The following ANKRD26 variants were observed in gnomAD, a reference collection of about 807,000 sequenced individuals.
ANKRD26 encodes the protein ankyrin repeat domain-containing protein 26.
Under a neutral mutation model 208.7 loss-of-function variants are expected in ANKRD26, and 141 were observed. The ratio of observed to expected loss-of-function variants is 0.68; its 90% CI spans 0.59 to 0.78. The LOEUF is 0.78. ANKRD26 is among the 30% of genes least tolerant of loss of function. The pLI, the probability that ANKRD26 is intolerant of heterozygous loss-of-function variation, is 0.00. For synonymous variants in ANKRD26, 636 were observed against 660.4 expected (o/e 0.96, Z 0.57); for missense variants, 1,889 against 1,938.7 (o/e 0.97, Z 0.48).
intron 32 of ANKRD26, 63 bp downstream of exon 32, chr10:27,012,819 C>G: frequency 6.6e-7 from 1 of 1,523,586 alleles, no homozygotes; most frequent in Non-Finnish European, 9.1e-7. Context: ...CTCAAAAAAA[C>G]AAACAAAAAA....
intron 17 of ANKRD26, 111 bp from the exon 18 acceptor site, chr10:27,046,634 A>T (rs1429370937): frequency 3.9e-6 from 4 of 1,030,720 alleles, no homozygotes; most frequent in Non-Finnish European, 4.2e-6. Context: ...TTAAAAAGCC[A>T]ATGTTTTCTA....
At chr10:26,998,625 A>G (rs974926309) in intron 4 of ANKRD26, among the ~76,000 whole-genome samples, 5 of 152,236 alleles carry the variant, frequency 3.3e-5, no homozygotes, top group African/African-American at 4.8e-5. Flanking sequence ...AGGAAATTCT[A>G]TAACTGTGCT....
rs2055011693 is a variant in ANKRD26 at position 27,060,389 on chromosome 10, G to A, written c.1520C>T (p.Pro507Leu). The A allele has an allele frequency of 6.2e-7, 1 of 1,612,590 alleles. No homozygotes were observed. The highest frequency in any genetic ancestry group is 1.3e-5 in the African/African-American group (1 of 74,846). ...KPTIEMKDSV[P>L]NKAGGMKDVQ... ...ATCCTTCATTCCTCCTGCTTTATTT[G>A]GAACAGAATCTTTCATTTCAATGGT... Residue 507 changes from proline (P) to leucine (L), a missense_variant, in exon 15 of 34, where the codon CCA becomes CTA. Pro to Leu is a moderately conservative substitution (Grantham distance 98). This residue lies in a region of ANKRD26 where 1,272 missense variants were observed against 1,273.8 expected (regional missense o/e 1.00). Transcript: ENST00000376087.
chr10:27,005,412 G>A lies in ANKRD26; in HGVS notation c.*178C>T. The A allele has an allele frequency of 7.5e-7, 1 of 1,340,632 alleles. No homozygotes were observed. Among genetic ancestry groups the A allele is most frequent in the Non-Finnish European group, 9.5e-7 (1 of 1,047,728 alleles). The allele number at this position is 1,340,632 out of a possible 1,614,324, so 83.0% of individuals were successfully genotyped here. A position where few individuals can be genotyped will look rare whatever the true frequency, so the allele number is the denominator to read the frequency against. ...AAACTCAATATTCCTGGTTTTCATT[G>A]GCAAAATCCACTTAAAAGTTAAAGA... On this transcript the variant is annotated 3_prime_UTR_variant, in exon 34 of 34. Coordinates refer to ENST00000376087, the MANE Select transcript of ANKRD26 (RefSeq NM_014915.3).
chr10:27,050,910 TTAGA>T (rs1162218781), intron 16 of ANKRD26: 21 of 493,532 alleles, frequency 4.3e-5, no homozygotes, highest in African/African-American at 3.7e-4. Flanking sequence ...CTCTTGTTAC[TTAGA>T]TAGCAGAATA....
In ANKRD26 at chr10:27,017,559, TTCAATC is replaced by T. The variant is rs771948197; in HGVS notation, c.4443_4448del (p.Ile1482_Glu1483del). 2.5e-6 allele frequency: 4 copies of T among 1,613,746 alleles called. No homozygotes were observed. Among genetic ancestry groups the T allele is most frequent in the Non-Finnish European group, 3.4e-6 (4 of 1,179,840 alleles). ...CTGCTATTTCCTGTCTTGCTCTTTC[TTCAATC>T]TCCTGTTTATACTGTTTGACTTGAC... On this transcript the variant is annotated inframe_deletion, in exon 30 of 34. Coordinates refer to ENST00000376087, the MANE Select transcript of ANKRD26 (RefSeq NM_014915.3).
intron 5 of ANKRD26, 98 bp from the exon 6 acceptor site, chr10:27,082,931 T>C: frequency 7.0e-7 from 1 of 1,437,232 alleles, no homozygotes; most frequent in Non-Finnish European, 9.4e-7. Context: ...AGTATCCCTC[T>C]GGGACCATAT....
intron 27 of ANKRD26, among the ~76,000 whole-genome samples, chr10:27,028,047 C>G (rs1446580900): frequency 6.6e-6 from 1 of 152,162 alleles, no homozygotes; most frequent in Non-Finnish European, 1.5e-5. Context: ...ATAGGCTAGG[C>G]TAAGCTATGA....
Position 27,035,659 on chromosome 10 carries a change from T to C in ANKRD26, c.2791A>G (p.Ile931Val), listed in dbSNP as rs766484458. 1.9e-6 allele frequency: 3 copies of C among 1,590,968 alleles called. No homozygotes were observed. The highest frequency in any genetic ancestry group is 1.4e-5 in the African/African-American group (1 of 73,426). The change falls in exon 24 of 34, where the codon ATA becomes GTA. Residue 931 changes from isoleucine (I) to valine (V), a missense_variant. By Grantham distance (29) the Ile-to-Val change is conservative. Transcript: ENST00000376087. ...IAMLRLEIDT[I>V]KNQNQEKEKK... The stretch of plus-strand genomic sequence containing the variant: ...TCTTTTTCCTGGTTTTGATTTTTTA[T>C]TGTGTCTATTTCTAGTCTTAGCATA...
downstream of ANKRD26, among the ~76,000 whole-genome samples, chr10:26,970,143 T>G (rs1201682426): frequency 6.6e-6 from 1 of 152,086 alleles, no homozygotes; most frequent in Non-Finnish European, 1.5e-5. Flanking sequence ...TAGCTGTTAT[T>G]TTGTTTAATA....
chr10:27,079,289 T>A (rs2055816668), intron 6 of ANKRD26, 128 bp from the exon 7 acceptor site: 2 of 726,278 alleles, frequency 2.8e-6, no homozygotes. Context: ...GTCAACTGTC[T>A]GCATATTAAA....
At chr10:27,089,680 T>C (rs1434132009) in intron 4 of ANKRD26, among the ~76,000 whole-genome samples, 1 of 152,170 alleles carries the variant, frequency 6.6e-6, no homozygotes, top group Non-Finnish European at 1.5e-5. Context: ...TAGTCCCAGC[T>C]ACTTGGGAGG....
In ANKRD26 at chr10:27,048,798, T is replaced by C. The variant is rs550499200; in HGVS notation, c.1814+3A>G. 6.2e-7 allele frequency: 1 copy of C among 1,611,090 alleles called. No homozygotes were observed. Among genetic ancestry groups the C allele is most frequent in the South Asian group, 1.1e-5 (1 of 90,918 alleles). ...TCTGCTGTTAAATATGCTATCAGCTTACCTAGCATACTCTTTATTTTCCTT... is the reference window on the plus strand; with the variant it reads ...TCTGCTGTTAAATATGCTATCAGCTCACCTAGCATACTCTTTATTTTCCTT... On this transcript the variant is annotated splice_donor_region_variant and intron_variant, in intron 17 of 33. Coordinates refer to ENST00000376087, the MANE Select transcript of ANKRD26 (RefSeq NM_014915.3).
chr10:27,014,533 T>G lies in ANKRD26; in HGVS notation c.4685A>C (p.Glu1562Ala). The change falls in exon 31 of 34, where the codon GAA becomes GCA. Residue 1562 changes from glutamate to alanine, a missense_variant. Physicochemically the swap from Glu to Ala is moderately radical, Grantham distance 107 (BLOSUM62 -1). This residue lies in a region of ANKRD26 where 613 missense variants were observed against 648.2 expected (regional missense o/e 0.95). Coordinates refer to ENST00000376087, the MANE Select transcript of ANKRD26 (RefSeq NM_014915.3). Reference protein sequence around the residue: ...LEKYKQLYLEELKVRKSLSSK... With the variant: ...LEKYKQLYLEALKVRKSLSSK... ...TGACAAAGATTTTCTAACTTTTAAT[T>G]CTTCTAGATAGAGTTGCTTATATTT... is the stretch of plus-strand genomic sequence containing the variant. The G allele has an allele frequency of 1.3e-6, 2 of 1,593,676 alleles. No individual in the cohort carries two copies. Among genetic ancestry groups the G allele is most frequent in the Non-Finnish European group, 1.7e-6 (2 of 1,167,046 alleles).
At chr10:27,006,222 C>CTTGT (rs1374516071) in intron 33 of ANKRD26, among the ~76,000 whole-genome samples, 1 of 152,102 alleles carries the variant, frequency 6.6e-6, no homozygotes, top group Non-Finnish European at 1.5e-5. Flanking sequence ...AAACATATGC[C>CTTGT]AGACGGAAGG....
intron 19 of ANKRD26, 46 bp downstream of exon 19, chr10:27,044,111 T>A (rs761834566): frequency 1.6e-6 from 2 of 1,268,956 alleles, no homozygotes. Context: ...TCTTTTATAA[T>A]GTATTTTTTT....
Position 27,047,235 on chromosome 10 carries a change from T to C in ANKRD26, c.1815-712A>G, listed in dbSNP as rs548213676. 3.9e-5 allele frequency among the ~76,000 whole-genome samples: 6 copies of C among 152,276 alleles called. No individual in the cohort carries two copies. In the South Asian group the frequency reaches 1.2e-3, roughly 32 times the overall value. ...GGAAGAAGAAATCAGGAAAATATCC[T>C]GGGTGGGGGAAAAATCCTTTTAGAA... On this transcript the variant is annotated intron_variant, in intron 17 of 33. Transcript: ENST00000376087.
At chr10:27,058,886 TTTA>T (rs960398738) in intron 15 of ANKRD26, among the ~76,000 whole-genome samples, 5 of 149,272 alleles carry the variant, frequency 3.3e-5, no homozygotes, top group Non-Finnish European at 5.9e-5. Flanking sequence ...CACAGTGATT[TTTA>T]TGTTTTTTTG....
chr10:26,960,357 C>T, the ANKRD26 span, among the ~76,000 whole-genome samples: 1 of 152,186 alleles, frequency 6.6e-6, no homozygotes, highest in Non-Finnish European at 1.5e-5. Context: ...CGTGGAGAGG[C>T]TCTGAGACTC....
Sources: gnomAD v4.1 joint callset for allele counts (sites outside exome capture counted in the v4.1 genomes callset) on GRCh38, gnomAD v4.1.1 for gene constraint, gnomAD v4.1.1 regional missense constraint, MANE v1.5 for transcripts, NCBI Gene and HGNC (gene_info 2026-07-23, HGNC 2026-07-21) for gene names.